The following DCPH1 variants were observed in gnomAD, a reference collection of about 807,000 sequenced individuals.
DCPH1 encodes damage control phosphatase 1, also known as damage-control phosphatase 1.
the DCPH1 span, among the ~76,000 whole-genome samples, chr6:151,453,177 A>G: frequency 6.6e-6 from 1 of 152,224 alleles, no homozygotes; most frequent in Non-Finnish European, 1.5e-5. Context: ...TGAGGCCAAC[A>G]AAGTGGCGCC....
At chr6:151,455,364 C>T in the DCPH1 span, among the ~76,000 whole-genome samples, 1 of 152,212 alleles carries the variant, frequency 6.6e-6, no homozygotes, top group Non-Finnish European at 1.5e-5. Context: ...CCGCCAGCCT[C>T]TGAGTTCCCT....
chr6:151,468,996 A>T, the DCPH1 span: 1 of 1,614,256 alleles, frequency 6.2e-7, no homozygotes. Flanking sequence ...GAACATTAAA[A>T]GCTGAAATTC....
chr6:151,458,415 G>C, the DCPH1 span: 1 of 1,613,664 alleles, frequency 6.2e-7, no homozygotes. Context: ...TATCCCCTTG[G>C]TTGAGAAATT....
the DCPH1 span, among the ~76,000 whole-genome samples, chr6:151,461,630 C>T: frequency 1.3e-5 from 2 of 152,032 alleles, no homozygotes; most frequent in African/African-American, 4.8e-5. Context: ...GAGATTGTGC[C>T]GTTGTACTCC....
the DCPH1 span, among the ~76,000 whole-genome samples, chr6:151,459,321 T>G: frequency 6.6e-6 from 1 of 152,210 alleles, no homozygotes; most frequent in Non-Finnish European, 1.5e-5. Flanking sequence ...TACAACTTAC[T>G]TGGTTTAAGG....
the DCPH1 span, among the ~76,000 whole-genome samples, chr6:151,457,898 A>G: frequency 6.6e-6 from 1 of 152,142 alleles, no homozygotes; most frequent in African/African-American, 2.4e-5. Flanking sequence ...CTTGTTTGTC[A>G]GCATATGTCA....
At chr6:151,468,122 T>G in the DCPH1 span, among the ~76,000 whole-genome samples, 1 of 152,258 alleles carries the variant, frequency 6.6e-6, no homozygotes, top group African/African-American at 2.4e-5. Context: ...TTAAGTCCAT[T>G]ACATACTGAT....
chr6:151,452,764 C>A, the DCPH1 span: 1 of 601,996 alleles, frequency 1.7e-6, no homozygotes, highest in Non-Finnish European at 2.8e-6. Context: ...CGAAGGGAGG[C>A]GGCCCCGGGG....
the DCPH1 span, chr6:151,464,314 C>T: frequency 1.9e-6 from 1 of 527,250 alleles, no homozygotes; most frequent in Non-Finnish European, 3.2e-6. Flanking sequence ...TTAAGTTTTT[C>T]TAGTTAATTA....
chr6:151,466,933 T>G, the DCPH1 span, among the ~76,000 whole-genome samples: 1 of 151,858 alleles, frequency 6.6e-6, no homozygotes, highest in African/African-American at 2.4e-5. Context: ...TTAAAAAAAA[T>G]TTATTCATTT....
chr6:151,455,780 G>C, the DCPH1 span, among the ~76,000 whole-genome samples: 2 of 133,586 alleles, frequency 1.5e-5, no homozygotes, highest in African/African-American at 5.4e-5. Context: ...GCTGGGGGAC[G>C]GTCAGGTCTT....
chr6:151,461,904 T>C, the DCPH1 span, among the ~76,000 whole-genome samples: 5 of 152,208 alleles, frequency 3.3e-5, no homozygotes, highest in Admixed American at 3.3e-4. Flanking sequence ...AAGCGGTTTC[T>C]GTGGCAGATA....
chr6:151,464,911 T>C, the DCPH1 span, among the ~76,000 whole-genome samples: 1 of 152,246 alleles, frequency 6.6e-6, no homozygotes, highest in Non-Finnish European at 1.5e-5. Flanking sequence ...GAAAGAATTC[T>C]TAATAGTAAT....
chr6:151,459,297 T>A, the DCPH1 span, among the ~76,000 whole-genome samples: 9 of 152,338 alleles, frequency 5.9e-5, no homozygotes, highest in South Asian at 1.0e-3. Flanking sequence ...TTTATTGAAA[T>A]AGATAATAAA....
chr6:151,462,273 G>A, the DCPH1 span, among the ~76,000 whole-genome samples: 11 of 152,140 alleles, frequency 7.2e-5, no homozygotes, highest in Non-Finnish European at 1.3e-4. Context: ...ACATACTTGT[G>A]TACCCAGTGC....
At chr6:151,452,702 C>G in the DCPH1 span, 1 of 1,112,130 alleles carries the variant, frequency 9.0e-7, no homozygotes, top group Non-Finnish European at 1.3e-6. Flanking sequence ...GTCCCGCCGC[C>G]GGGCGCGGCT....
the DCPH1 span, among the ~76,000 whole-genome samples, chr6:151,456,036 A>G: frequency 1.3e-5 from 2 of 152,246 alleles, no homozygotes; most frequent in South Asian, 2.1e-4. Context: ...CACATGTTTC[A>G]GAGAGCACGG....
chr6:151,458,303 ATTTATT>A, the DCPH1 span: 2 of 1,602,256 alleles, frequency 1.2e-6, no homozygotes, highest in Admixed American at 3.4e-5. Flanking sequence ...CACACACACA[ATTTATT>A]TTTCTTGTAT....
chr6:151,466,044 G>A, the DCPH1 span, among the ~76,000 whole-genome samples: 7 of 152,108 alleles, frequency 4.6e-5, no homozygotes, highest in African/African-American at 1.7e-4. Flanking sequence ...TCAGCCTCCT[G>A]AGTAGCTGGA....
Sources: allele counts gnomAD v4.1 joint callset (sites outside exome capture counted in the v4.1 genomes callset), GRCh38; gene constraint gnomAD v4.1.1; transcripts MANE v1.5; gene names NCBI Gene and HGNC (gene_info 2026-07-23, HGNC 2026-07-21).